Variants in BPHL observed in about 807,000 individuals in gnomAD.
BPHL encodes biphenyl hydrolase like.
BPHL carries 27 observed loss-of-function variants against 31.2 expected under a neutral mutation model. The observed-to-expected ratio is 0.87, with a 90% CI of 0.64 to 1.19. The LOEUF is 1.19. BPHL is among the 50% of genes most tolerant of loss of function. The pLI, the probability that BPHL is intolerant of heterozygous loss-of-function variation, is 0.00. For synonymous variants in BPHL, 150 were observed against 146.8 expected (o/e 1.02, Z -0.16); for missense variants, 356 against 375.7 (o/e 0.95, Z 0.43).
chr6:3,128,434 A>G (rs922560292), intron 3 of BPHL, among the ~76,000 whole-genome samples: 1 of 151,930 alleles, frequency 6.6e-6, no homozygotes, highest in Non-Finnish European at 1.5e-5. Context: ...TTTACCTTTA[A>G]TTTTCCAGTC....
intron 6 of BPHL, among the ~76,000 whole-genome samples, chr6:3,147,012 A>T (rs1488097668): frequency 6.6e-6 from 1 of 152,206 alleles, no homozygotes; most frequent in African/African-American, 2.4e-5. Flanking sequence ...TTTTTGAGGA[A>T]TGAATGAGGA....
intron 2 of BPHL, among the ~76,000 whole-genome samples, chr6:3,125,505 A>G (rs1340411484): frequency 6.6e-6 from 1 of 152,030 alleles, no homozygotes; most frequent in African/African-American, 2.4e-5. Context: ...TGTATTCCTT[A>G]AATGTTTTTT....
At chr6:3,152,397 C>A in intron 6 of BPHL, 91 bp from the exon 7 acceptor site, 1 of 1,107,760 alleles carries the variant, frequency 9.0e-7, no homozygotes, top group South Asian at 1.4e-5. Flanking sequence ...TAATTTTTCA[C>A]TTTAGATGTT....
In BPHL at chr6:3,146,325, TC is replaced by T. The variant is rs111270975; in HGVS notation, c.788+5817del. The stretch of plus-strand genomic sequence containing the variant: ...GTTCGGGTTGGAGTGCTGGTTCGGG[TC>T]AGAGTGCTGGTTCGGGGTGGAGTGC... On this transcript the variant is annotated intron_variant, in intron 6 of 6. Coordinates refer to ENST00000380379, the MANE Select transcript of BPHL (RefSeq NM_004332.4). Among the ~76,000 whole-genome samples the T allele has an allele frequency of 8.3e-4, 14 of 16,876 alleles. 4 individuals are homozygous for T. The highest frequency in any genetic ancestry group is 1.3e-3 in the Non-Finnish European group (8 of 5,928). The allele number at this position is 16,876 out of a possible 152,430, so 11.1% of individuals were successfully genotyped here. A position where few individuals can be genotyped will look rare whatever the true frequency, so the allele number is the denominator to read the frequency against.
chr6:3,150,328 G>A (rs139608350), intron 6 of BPHL, among the ~76,000 whole-genome samples: 8 of 152,310 alleles, frequency 5.3e-5, no homozygotes, highest in East Asian at 1.9e-4. Flanking sequence ...GGCTCCAGGC[G>A]GGGCAGGAAA....
Position 3,140,397 on chromosome 6 carries a change from C to G in BPHL, c.676C>G (p.Arg226Gly). 6.2e-7 allele frequency: 1 copy of G among 1,614,100 alleles called. No homozygotes were observed. The highest frequency in any genetic ancestry group is 1.1e-5 in the South Asian group (1 of 91,072). The change falls in exon 6 of 7, where the codon CGG becomes GGG. Residue 226 changes from arginine to glycine, a missense_variant. Coordinates refer to ENST00000380379, the MANE Select transcript of BPHL (RefSeq NM_004332.4). This position sits in a 1 kb window ranked among gnomAD's most constrained non-coding sequence, Gnocchi z 5.2. ...TGTGTATCCGTCAGGTAACATCTGC[C>G]GGCACCTGCTGCCCCGGGTCCAGTG... Reference protein sequence around the residue: ...FKHLPDGNICRHLLPRVQCPA... With the variant: ...FKHLPDGNICGHLLPRVQCPA...
intron 6 of BPHL, among the ~76,000 whole-genome samples, chr6:3,145,325 G>A (rs1300025715): frequency 2.4e-4 from 13 of 55,152 alleles, no homozygotes; most frequent in African/African-American, 7.4e-4. Context: ...GTGCTGGTTC[G>A]GGGTGGAGTG....
chr6:3,119,391 C>A, intron 1 of BPHL: 1 of 1,601,736 alleles, frequency 6.2e-7, no homozygotes, highest in Non-Finnish European at 8.5e-7. Context: ...AAAAGAATCA[C>A]GTTGGGAACT....
At chr6:3,126,276 T>G (rs1761708883) in intron 2 of BPHL, among the ~76,000 whole-genome samples, 1 of 152,206 alleles carries the variant, frequency 6.6e-6, no homozygotes, top group African/African-American at 2.4e-5. Flanking sequence ...ATCTGGAATT[T>G]TAGAATTCTA....
chr6:3,128,942 A>G (rs1351975433), intron 3 of BPHL, 103 bp from the exon 4 acceptor site: 2 of 1,533,688 alleles, frequency 1.3e-6, no homozygotes, highest in Non-Finnish European at 1.8e-6. Flanking sequence ...ACTAATTGAT[A>G]CTCCAGCCTC....
intron 6 of BPHL, among the ~76,000 whole-genome samples, chr6:3,141,436 C>T (rs1226846641): frequency 1.3e-5 from 2 of 152,156 alleles, no homozygotes; most frequent in Non-Finnish European, 2.9e-5. Flanking sequence ...GGCACGATCT[C>T]GGCTAACTGC....
chr6:3,118,584 G>C (rs973202559), upstream of BPHL: 2 of 502,488 alleles, frequency 4.0e-6, no homozygotes, highest in Admixed American at 4.4e-5. Context: ...GAAAGCACCC[G>C]GCAGGGCGTG....
At chr6:3,150,726 G>T (rs1762499365) in intron 6 of BPHL, among the ~76,000 whole-genome samples, 1 of 152,168 alleles carries the variant, frequency 6.6e-6, no homozygotes, top group South Asian at 2.1e-4. Context: ...ATCTATTGTG[G>T]TCCTGTTTCC....
At chr6:3,132,456 C>T (rs1470255078) in intron 4 of BPHL, among the ~76,000 whole-genome samples, 5 of 152,180 alleles carry the variant, frequency 3.3e-5, no homozygotes, top group Admixed American at 6.5e-5. Context: ...ACCCTCACAC[C>T]TCACACCTGA....
chr6:3,134,357 T>C (rs1003843418), intron 4 of BPHL, among the ~76,000 whole-genome samples: 1 of 151,884 alleles, frequency 6.6e-6, no homozygotes, highest in Non-Finnish European at 1.5e-5. Flanking sequence ...TTTTGCCTTT[T>C]TCTTTATGGG....
intron 5 of BPHL, chr6:3,137,956 A>T: frequency 7.9e-7 from 1 of 1,259,282 alleles, no homozygotes; most frequent in Non-Finnish European, 1.0e-6. Flanking sequence ...GGAAGAAAAT[A>T]TTCTGTTTTT....
At chr6:3,123,601 A>G in intron 1 of BPHL, 56 bp from the exon 2 acceptor site, 1 of 1,498,286 alleles carries the variant, frequency 6.7e-7, no homozygotes, top group East Asian at 2.3e-5. Context: ...TGAATCAACT[A>G]AGAAATCTTC....
At chr6:3,128,700 G>A (rs957414508) in intron 3 of BPHL, among the ~76,000 whole-genome samples, 1 of 152,224 alleles carries the variant, frequency 6.6e-6, no homozygotes, top group Non-Finnish European at 1.5e-5. Flanking sequence ...GCTCAGGCAT[G>A]CATATGCACA....
At position 3,149,408 on chromosome 6, in the gene BPHL, C is replaced by T. The variant is rs905539246; in HGVS notation, c.789-3080C>T. 1.3e-5 allele frequency among the ~76,000 whole-genome samples: 2 copies of T among 152,172 alleles called. No individual in the cohort carries two copies. Among genetic ancestry groups the T allele is most frequent in the African/African-American group, 4.8e-5 (2 of 41,438 alleles). On this transcript the variant is annotated intron_variant, in intron 6 of 6. Transcript: ENST00000380379. This position sits in a 1 kb window ranked among gnomAD's most constrained non-coding sequence, Gnocchi z 4.6. ...TCCTCTAGCAGCCCACTTCAAGCCG[C>T]CACACTGCCCAGAAAGTAGCCTCCG...
Sources: gnomAD v4.1 joint callset for allele counts (sites outside exome capture counted in the v4.1 genomes callset) on GRCh38, gnomAD v4.1.1 for gene constraint, Gnocchi (gnomAD v3.1) non-coding constraint, MANE v1.5 for transcripts, NCBI Gene and HGNC (gene_info 2026-07-23, HGNC 2026-07-21) for gene names.